The following MEIKIN variants were observed in gnomAD, a reference collection of about 807,000 sequenced individuals.
The protein encoded by MEIKIN is meiosis-specific kinetochore protein.
chr5:131,843,778 C>T (rs1580869043), intron 11 of MEIKIN, among the ~76,000 whole-genome samples: 1 of 152,234 alleles, frequency 6.6e-6, no homozygotes, highest in Admixed American at 6.5e-5. Flanking sequence ...TTCCTGTCTT[C>T]TTCTGAGCCC....
chr5:131,808,960 T>C (rs1456077317), intron 12 of MEIKIN, among the ~76,000 whole-genome samples: 2 of 152,126 alleles, frequency 1.3e-5, no homozygotes, highest in African/African-American at 4.8e-5. Flanking sequence ...CCTGTAGTCC[T>C]AGCTACGTGG....
At chr5:131,821,074 C>T (rs190716054) in intron 11 of MEIKIN, among the ~76,000 whole-genome samples, 1 of 152,172 alleles carries the variant, frequency 6.6e-6, no homozygotes, top group African/African-American at 2.4e-5. Context: ...TTTTCTAATT[C>T]TTTAAGATGC....
intron 9 of MEIKIN, among the ~76,000 whole-genome samples, chr5:131,866,282 A>G (rs1750383913): frequency 6.6e-6 from 1 of 152,166 alleles, no homozygotes; most frequent in Non-Finnish European, 1.5e-5. Flanking sequence ...CCCTGGGAAG[A>G]GTGCTCAGGT....
chr5:131,839,760 T>G (rs184507091), intron 11 of MEIKIN, among the ~76,000 whole-genome samples: 1 of 152,298 alleles, frequency 6.6e-6, no homozygotes, highest in Admixed American at 6.5e-5. Flanking sequence ...GTGAGATGGG[T>G]CTCTTGGAGA....
chr5:131,861,319 G>A (rs548266817), intron 9 of MEIKIN, among the ~76,000 whole-genome samples: 42 of 152,056 alleles, frequency 2.8e-4, no homozygotes, highest in Non-Finnish European at 5.1e-4. Flanking sequence ...AACCCGGGAG[G>A]TGGAGGTTGC....
rs373689160 is a variant in MEIKIN, at chr5:131,915,810, A to T, written c.638+1076T>A. ...AGTTTAGATGAGTTATTTAAAAAAA[A>T]AAATAAATGAAGCTATGTTTTCTTT... On this transcript the variant is annotated intron_variant, in intron 7 of 12. Coordinates refer to ENST00000442687, the MANE Select transcript of MEIKIN (RefSeq NM_001303622.2). 1.3e-4 allele frequency among the ~76,000 whole-genome samples: 20 copies of T among 152,304 alleles called. No homozygotes were observed. The East Asian group carries it at 1.3e-3, about 10-fold the overall frequency.
intron 6 of MEIKIN, among the ~76,000 whole-genome samples, chr5:131,921,538 C>T (rs1290622758): frequency 6.6e-6 from 1 of 151,810 alleles, no homozygotes; most frequent in Admixed American, 6.6e-5. Flanking sequence ...GTGCCTGTAA[C>T]CCCAGCTACT....
intron 8 of MEIKIN, among the ~76,000 whole-genome samples, chr5:131,899,542 T>TAAAAAAAAAAAA (rs398065218): frequency 8.0e-6 from 1 of 125,432 alleles, no homozygotes; most frequent in Non-Finnish European, 1.7e-5. Context: ...TGAATGGATT[T>TAAAAAAAAAAAA]AAAAAAAAAA....
chr5:131,851,403 T>C lies in MEIKIN; in HGVS notation c.856-20A>G. On this transcript the variant is annotated intron_variant, in intron 10 of 12. Coordinates refer to ENST00000442687, the MANE Select transcript of MEIKIN (RefSeq NM_001303622.2). Reference sequence around the variant, plus strand: ...ATCAATCTATAAAAGAATACATTATTGTTTTGTGGAAGTTAAACATTGCAA... The same window carrying C: ...ATCAATCTATAAAAGAATACATTATCGTTTTGTGGAAGTTAAACATTGCAA... 1 of 397,660 alleles carries C rather than the reference T, an allele frequency of 2.5e-6. No individual in the cohort carries two copies. Among genetic ancestry groups the C allele is most frequent in the African/African-American group, 2.1e-5 (1 of 48,714 alleles). The allele number at this position is 397,660 out of a possible 1,614,324, so 24.6% of individuals were successfully genotyped here. A position where few individuals can be genotyped will look rare whatever the true frequency, so the allele number is the denominator to read the frequency against.
chr5:131,921,464 C>T (rs1751504095), intron 6 of MEIKIN, among the ~76,000 whole-genome samples: 1 of 152,118 alleles, frequency 6.6e-6, no homozygotes, highest in Non-Finnish European at 1.5e-5. Context: ...TCAAGACCAG[C>T]CTGGCCAACA....
chr5:131,836,481 C>T (rs1050982821), intron 11 of MEIKIN, among the ~76,000 whole-genome samples: 1 of 152,182 alleles, frequency 6.6e-6, no homozygotes, highest in Non-Finnish European at 1.5e-5. Context: ...ATAATGCTTT[C>T]CACAATGGTT....
intron 11 of MEIKIN, among the ~76,000 whole-genome samples, chr5:131,843,279 T>C (rs2149612181): frequency 6.6e-6 from 1 of 152,262 alleles, no homozygotes; most frequent in East Asian, 1.9e-4. Flanking sequence ...TCCCACTGTC[T>C]TGGATATTAA....
intron 11 of MEIKIN, among the ~76,000 whole-genome samples, chr5:131,830,178 G>C (rs1230819401): frequency 6.6e-6 from 1 of 152,000 alleles, no homozygotes; most frequent in African/African-American, 2.4e-5. Context: ...TCGCTTGATC[G>C]CAAGAGTTTG....
chr5:131,842,063 G>T (rs1472520843), intron 11 of MEIKIN, among the ~76,000 whole-genome samples: 1 of 151,606 alleles, frequency 6.6e-6, no homozygotes, highest in Non-Finnish European at 1.5e-5. Context: ...GCAGTGGCAC[G>T]ATCTTGGCTC....
At chr5:131,936,556 C>T (rs1340158510) in intron 4 of MEIKIN, among the ~76,000 whole-genome samples, 3 of 152,100 alleles carry the variant, frequency 2.0e-5, no homozygotes, top group East Asian at 1.9e-4. Context: ...TTTCTAAGTA[C>T]TTATTAAGTA....
intron 11 of MEIKIN, among the ~76,000 whole-genome samples, chr5:131,821,907 G>A (rs1561722604): frequency 2.0e-5 from 3 of 152,008 alleles, no homozygotes; most frequent in South Asian, 2.1e-4. Context: ...TTACAGACAT[G>A]AGCCACCACA....
chr5:131,810,924 T>C (rs547316910), intron 12 of MEIKIN, among the ~76,000 whole-genome samples: 3 of 152,330 alleles, frequency 2.0e-5, no homozygotes, highest in Non-Finnish European at 2.9e-5. Flanking sequence ...ACTGCCAAAA[T>C]AGCTAAAACT....
chr5:131,919,135 C>A (rs1287813303), intron 6 of MEIKIN, among the ~76,000 whole-genome samples: 1 of 151,976 alleles, frequency 6.6e-6, no homozygotes, highest in Non-Finnish European at 1.5e-5. Flanking sequence ...TTTAAACTCA[C>A]ATATAATCAT....
At chr5:131,894,280 C>T (rs1407097202) in intron 8 of MEIKIN, among the ~76,000 whole-genome samples, 1 of 152,180 alleles carries the variant, frequency 6.6e-6, no homozygotes, top group Non-Finnish European at 1.5e-5. Flanking sequence ...GTACCAGTAC[C>T]ACACTGTTTT....
Sources: allele counts gnomAD v4.1 joint callset (sites outside exome capture counted in the v4.1 genomes callset), GRCh38; gene constraint gnomAD v4.1.1; transcripts MANE v1.5; gene names NCBI Gene and HGNC (gene_info 2026-07-23, HGNC 2026-07-21).